The following IL31RA variants were observed in gnomAD, a reference collection of about 807,000 sequenced individuals.
IL31RA encodes interleukin 31 receptor A.
A neutral mutation model predicts 83.7 loss-of-function variants in IL31RA; 66 were observed. The observed-to-expected ratio is 0.79, with a 90% CI of 0.65 to 0.97. IL31RA has a LOEUF of 0.97. IL31RA is among the 50% of genes least tolerant of loss of function. The probability of loss-of-function intolerance (pLI) is 0.00; values close to 1 mark genes in which losing one functional copy is unlikely to be tolerated. For missense variants in IL31RA, 798 were observed against 919.4 expected (o/e 0.87, Z 1.71); for synonymous variants, 325 against 329.0 (o/e 0.99, Z 0.13).
chr5:55,900,111 A>G lies in IL31RA; in HGVS notation c.1048A>G (p.Ile350Val). Residue 350 changes from isoleucine to valine, a missense_variant, in exon 8 of 15, where the codon ATT becomes GTT. Physicochemically the swap from Ile to Val is conservative, Grantham distance 29. Coordinates refer to ENST00000652347, the MANE Select transcript of IL31RA (RefSeq NM_139017.7). ...LGKSPVATLR[I>V]PAIQEKSFQC... ...GAAGTCTCCAGTGGCCACCCTGAGG[A>G]TTCCAGCTATTCAAGAAAAATGTAA... 1.2e-6 allele frequency: 2 copies of G among 1,613,258 alleles called. No individual in the cohort carries two copies. Among genetic ancestry groups the G allele is most frequent in the Non-Finnish European group, 1.7e-6 (2 of 1,179,212 alleles).
At chr5:55,895,957 A>T (rs1748307810) in intron 6 of IL31RA, among the ~76,000 whole-genome samples, 1 of 152,202 alleles carries the variant, frequency 6.6e-6, no homozygotes, top group African/African-American at 2.4e-5. Flanking sequence ...GACTTGGTAT[A>T]AATTGTATAT....
At chr5:55,875,190 C>T (rs1168088850) in intron 4 of IL31RA, among the ~76,000 whole-genome samples, 1 of 152,092 alleles carries the variant, frequency 6.6e-6, no homozygotes, top group African/African-American at 2.4e-5. Context: ...ATAAGTTAAA[C>T]AAACCTTGTA....
At chr5:55,864,279 A>G (rs1225982068) in intron 2 of IL31RA, among the ~76,000 whole-genome samples, 1 of 91,774 alleles carries the variant, frequency 1.1e-5, no homozygotes, top group Non-Finnish European at 2.1e-5. Flanking sequence ...AGATCCACAT[A>G]TATACACACA....
Position 55,922,619 on chromosome 5 carries a change from C to G in IL31RA, c.*5499C>G. The G allele has an allele frequency of 1.8e-6, 1 of 567,728 alleles. No individual in the cohort carries two copies. Among genetic ancestry groups the G allele is most frequent in the Non-Finnish European group, 3.1e-6 (1 of 318,060 alleles). 35.2% of individuals were successfully genotyped at this position (567,728 alleles called of 1,614,324 possible). On this transcript the variant is annotated 3_prime_UTR_variant, in exon 15 of 15. Coordinates refer to ENST00000652347, the MANE Select transcript of IL31RA (RefSeq NM_139017.7). ...TCTGTAATGCATGTGCATGAGAAGT[C>G]TGTTATTAAGTAGAGTGTGAAAACA...
At chr5:55,864,812 A>G (rs887058535) in intron 2 of IL31RA, among the ~76,000 whole-genome samples, 3 of 151,394 alleles carry the variant, frequency 2.0e-5, no homozygotes, top group African/African-American at 7.3e-5. Context: ...CCATTCACAC[A>G]TATACTATGC....
chr5:55,877,935 T>A (rs969873069), intron 4 of IL31RA, among the ~76,000 whole-genome samples: 5 of 152,162 alleles, frequency 3.3e-5, no homozygotes, highest in African/African-American at 1.2e-4. Flanking sequence ...CCTCTCTCTC[T>A]TCTCTTTCAG....
chr5:55,858,963 G>C (rs1003384309), intron 1 of IL31RA, among the ~76,000 whole-genome samples: 1 of 152,206 alleles, frequency 6.6e-6, no homozygotes, highest in Non-Finnish European at 1.5e-5. Context: ...TGATATAGTG[G>C]GGCATGGGGC....
intron 4 of IL31RA, among the ~76,000 whole-genome samples, chr5:55,881,018 A>G (rs1747178115): frequency 6.6e-6 from 1 of 152,108 alleles, no homozygotes; most frequent in Non-Finnish European, 1.5e-5. Context: ...AAAAAGCTTT[A>G]GAGGCCGGGC....
Position 55,920,596 on chromosome 5 carries a change from C to T in IL31RA, c.*3476C>T, listed in dbSNP as rs1441622217. Among the ~76,000 whole-genome samples, 2 of 152,166 alleles carry T rather than the reference C, an allele frequency of 1.3e-5. No homozygotes were observed. Among genetic ancestry groups the T allele is most frequent in the East Asian group, 1.9e-4 (1 of 5,200 alleles). Reference sequence around the variant, plus strand: ...AGAGTTTTTCCCACAAAGCAGAAAACGTTTACTCTCTGACCCTTTGCAGAA... The same window carrying T: ...AGAGTTTTTCCCACAAAGCAGAAAATGTTTACTCTCTGACCCTTTGCAGAA... On this transcript the variant is annotated 3_prime_UTR_variant, in exon 15 of 15. Coordinates refer to ENST00000652347, the MANE Select transcript of IL31RA (RefSeq NM_139017.7).
chr5:55,842,303 G>A, the IL31RA span, among the ~76,000 whole-genome samples: 1 of 152,156 alleles, frequency 6.6e-6, no homozygotes, highest in Non-Finnish European at 1.5e-5. Flanking sequence ...AATTATATCA[G>A]CAAAGACTCA....
upstream of IL31RA, chr5:55,851,250 T>G (rs1193250777): frequency 4.7e-6 from 2 of 424,610 alleles, no homozygotes; most frequent in East Asian, 4.6e-5. Flanking sequence ...AGACACCTTA[T>G]TTAATATACA....
intron 1 of IL31RA, among the ~76,000 whole-genome samples, chr5:55,856,458 T>TC (rs1745370480): frequency 6.6e-6 from 1 of 152,232 alleles, no homozygotes; most frequent in East Asian, 1.9e-4. Flanking sequence ...TTGATGGCTC[T>TC]CCTCAAGAGC....
At position 55,865,550 on chromosome 5, in the gene IL31RA, A is replaced by T. The variant is rs375030009; in HGVS notation, c.155-3241A>T. On this transcript the variant is annotated intron_variant, in intron 2 of 14. Coordinates refer to ENST00000652347, the MANE Select transcript of IL31RA (RefSeq NM_139017.7). ...TTTTAAAATCCCAAACCTAAACAAA[A>T]CAAAACAATGAATGCTACCCATTCT... Among the ~76,000 whole-genome samples the T allele has an allele frequency of 1.6e-4, 25 of 152,278 alleles. No individual in the cohort carries two copies. The East Asian group carries it at 3.9e-3, about 23-fold the overall frequency.
In IL31RA at chr5:55,869,483, CTT is replaced by C. The variant is rs201532364; in HGVS notation, c.272+582_272+583del. 2.0e-5 allele frequency among the ~76,000 whole-genome samples: 3 copies of C among 151,658 alleles called. No individual in the cohort carries two copies. The South Asian group carries it at 6.3e-4, about 32-fold the overall frequency. ...TAAATATTTGCAGGTTAAAAAAAAA[CTT>C]TTTTTTGAGACAGAATCTCACTCTG... is the stretch of plus-strand genomic sequence containing the variant. On this transcript the variant is annotated intron_variant, in intron 3 of 14. Coordinates refer to ENST00000652347, the MANE Select transcript of IL31RA (RefSeq NM_139017.7).
At chr5:55,845,572 A>C in the IL31RA span, among the ~76,000 whole-genome samples, 1 of 152,140 alleles carries the variant, frequency 6.6e-6, no homozygotes, top group Non-Finnish European at 1.5e-5. Flanking sequence ...CGCTGTTCTC[A>C]TGATAATGAG....
In IL31RA at chr5:55,907,369, A is replaced by T; in HGVS notation, c.1263A>T (p.Lys421Asn). 6.2e-7 allele frequency: 1 copy of T among 1,611,104 alleles called. No individual in the cohort carries two copies. The highest frequency in any genetic ancestry group is 1.1e-5 in the South Asian group (1 of 91,032). ...CTTTCTTTTTCACAGATAAATTAAA[A>T]CCTTTCTGGTGCTATAACATCTCTG... ...TNWTIQQDKL[K>N]PFWCYNISVY... The change falls in exon 10 of 15, where the codon AAA (lysine) becomes AAT (asparagine). Residue 421 changes from lysine (K) to asparagine (N), a missense_variant. Coordinates refer to ENST00000652347, the MANE Select transcript of IL31RA (RefSeq NM_139017.7).
intron 1 of IL31RA, among the ~76,000 whole-genome samples, chr5:55,851,989 A>T (rs751168329): frequency 7.2e-5 from 11 of 152,154 alleles, no homozygotes; most frequent in Non-Finnish European, 1.0e-4. Context: ...ATAAATGTAT[A>T]TGCTCAATTG....
chr5:55,847,458 T>C (rs1353524622), upstream of IL31RA, among the ~76,000 whole-genome samples: 1 of 151,960 alleles, frequency 6.6e-6, no homozygotes, highest in African/African-American at 2.4e-5. Context: ...GGTGCACTCC[T>C]GTAATCCCAG....
chr5:55,886,158 C>A (rs1319854205), intron 5 of IL31RA, among the ~76,000 whole-genome samples: 1 of 152,040 alleles, frequency 6.6e-6, no homozygotes, highest in Non-Finnish European at 1.5e-5. Flanking sequence ...CCTGCCAGTC[C>A]CAGAGGTAAA....
Sources: gnomAD v4.1 joint callset for allele counts (sites outside exome capture counted in the v4.1 genomes callset) on GRCh38, gnomAD v4.1.1 for gene constraint, MANE v1.5 for transcripts, NCBI Gene and HGNC (gene_info 2026-07-23, HGNC 2026-07-21) for gene names.